Variants in PCDHGA12 observed in about 807,000 individuals in gnomAD.
PCDHGA12 encodes the protein protocadherin gamma-A12.
A neutral mutation model predicts 61.1 loss-of-function variants in PCDHGA12; 43 were observed. The ratio of observed to expected loss-of-function variants is 0.70; its 90% CI spans 0.55 to 0.91. The LOEUF is 0.91. PCDHGA12 is among the 40% of genes least tolerant of loss of function. PCDHGA12 has a pLI of 0.00. For missense variants in PCDHGA12, 1,236 were observed against 1,227.7 expected, an observed-to-expected ratio of 1.01 and a Z score of -0.10; for synonymous variants, 520 against 542.9, an observed-to-expected ratio of 0.96 and a Z score of 0.59.
chr5:141,442,051 C>G (rs1384937090), intron 1 of PCDHGA12: 1 of 197,158 alleles, frequency 5.1e-6, no homozygotes, highest in East Asian at 1.8e-4. Context: ...CTACTGGTCG[C>G]GGTGCACTGC....
rs1440733700 is a variant in PCDHGA12 at position 141,441,803 on chromosome 5, G to A, written c.2424+8620G>A. 249 of 383,164 alleles carry A rather than the reference G, an allele frequency of 6.5e-4. 2 individuals carry two copies. Among genetic ancestry groups the A allele is most frequent in the African/African-American group, 4.8e-3 (220 of 45,902 alleles). The allele number at this position is 383,164 out of a possible 1,614,324, so 23.7% of individuals were successfully genotyped here. The stretch of plus-strand genomic sequence containing the variant: ...ACCTGAATGACAACGCACCGCGGGT[G>A]CTGTACCCCAGCTCTGGAGCGCAAT... On this transcript the variant is annotated intron_variant, in intron 1 of 3. Coordinates refer to ENST00000252085, the MANE Select transcript of PCDHGA12 (RefSeq NM_003735.3).
In PCDHGA12 at chr5:141,512,470, T is replaced by G. The variant is rs2099884244; in HGVS notation, c.*1297T>G. On this transcript the variant is annotated 3_prime_UTR_variant, in exon 4 of 4. Transcript: ENST00000252085. ...TTCACCTTGCCAGGTGCCGTTTCTC[T>G]TCCGTGAAGGCCACTGCCCAGGTCC... 6.5e-6 allele frequency: 1 copy of G among 152,892 alleles called. No individual in the cohort carries two copies. The highest frequency in any genetic ancestry group is 2.1e-4 in the South Asian group (1 of 4,834). 9.5% of individuals were successfully genotyped at this position (152,892 alleles called of 1,614,324 possible).
At chr5:141,484,789 A>T (rs1215899787) in intron 1 of PCDHGA12, among the ~76,000 whole-genome samples, 1 of 152,132 alleles carries the variant, frequency 6.6e-6, no homozygotes, top group Non-Finnish European at 1.5e-5. Flanking sequence ...CCACAGAGAT[A>T]ACAACCCGTG....
intron 1 of PCDHGA12, among the ~76,000 whole-genome samples, chr5:141,482,057 C>A (rs2099551189): frequency 6.7e-6 from 1 of 149,978 alleles, no homozygotes; most frequent in Non-Finnish European, 1.5e-5. Flanking sequence ...TGCATTCCAG[C>A]CTGGGCAACA....
Position 141,456,470 on chromosome 5 carries a change from A to G in PCDHGA12, c.2424+23287A>G, listed in dbSNP as rs573210902. Among the ~76,000 whole-genome samples, 4 of 152,272 alleles carry G rather than the reference A, an allele frequency of 2.6e-5. No homozygotes were observed. In the East Asian group the frequency reaches 7.7e-4, roughly 29 times the overall value. On this transcript the variant is annotated intron_variant, in intron 1 of 3. Coordinates refer to ENST00000252085, the MANE Select transcript of PCDHGA12 (RefSeq NM_003735.3). ...GTCCAAATATCAATACAAGACATAT[A>G]AGCAAGAGAGTGCTTAATAAAGGGG...
At chr5:141,478,639 A>G (rs377308663) in intron 1 of PCDHGA12, 168 of 1,552,322 alleles carry the variant, frequency 1.1e-4, no homozygotes, top group Non-Finnish European at 1.0e-4. Context: ...TTAGTGATGA[A>G]GATGTTTTCC....
Position 141,491,095 on chromosome 5 carries a change from T to C in PCDHGA12, c.2425-3712T>C, listed in dbSNP as rs1366401829. On this transcript the variant is annotated intron_variant, in intron 1 of 3. Coordinates refer to ENST00000252085, the MANE Select transcript of PCDHGA12 (RefSeq NM_003735.3). The surrounding 1 kb of genome is among the most constrained non-coding windows in gnomAD (Gnocchi z 6.9). ...GCCACAGTCCACAGCCCCAGGACTG[T>C]TCCTCGTGTCTACACACACTGGTGA... The C allele has an allele frequency of 3.7e-6, 6 of 1,614,154 alleles. No homozygotes were observed. The highest frequency in any genetic ancestry group is 4.2e-6 in the Non-Finnish European group (5 of 1,180,014).
chr5:141,485,814 CT>C lies in PCDHGA12; in HGVS notation c.2425-8992del, dbSNP rs2099619658. On this transcript the variant is annotated intron_variant, in intron 1 of 3. Transcript: ENST00000252085. The surrounding 1 kb of genome is among the most constrained non-coding windows in gnomAD (Gnocchi z 5.7). ...TCGGACTACCGCCTGGTGCTGACTGCTGTCGATGGAGGGAACCCGCCGAGAT... is the reference window on the plus strand; with the variant it reads ...TCGGACTACCGCCTGGTGCTGACTGCGTCGATGGAGGGAACCCGCCGAGAT... The C allele has an allele frequency of 6.2e-7, 1 of 1,613,864 alleles. No individual in the cohort carries two copies. Among genetic ancestry groups the C allele is most frequent in the Non-Finnish European group, 8.5e-7 (1 of 1,179,990 alleles).
rs776211508 is a variant in PCDHGA12, at chr5:141,491,001, C to T, written c.2425-3806C>T. On this transcript the variant is annotated intron_variant, in intron 1 of 3. Transcript: ENST00000252085. The surrounding 1 kb of genome is among the most constrained non-coding windows in gnomAD (Gnocchi z 6.9). The stretch of plus-strand genomic sequence containing the variant: ...TCCCTCGCTCTGCTCCTCCTGGCTC[C>T]TTGGTCACCAAGGTGACAGCCGTGG... The T allele has an allele frequency of 6.2e-7, 1 of 1,614,140 alleles. No individual in the cohort carries two copies. Among genetic ancestry groups the T allele is most frequent in the Non-Finnish European group, 8.5e-7 (1 of 1,180,044 alleles).
intron 3 of PCDHGA12, among the ~76,000 whole-genome samples, chr5:141,509,583 A>G (rs1008344833): frequency 7.2e-5 from 11 of 152,320 alleles, no homozygotes; most frequent in African/African-American, 2.4e-4. Flanking sequence ...CGTACAAATC[A>G]GCTGGCAATT....
At position 141,432,950 on chromosome 5, in the gene PCDHGA12, G is replaced by A. The variant is rs750033444; in HGVS notation, c.2191G>A (p.Gly731Ser). 9.9e-6 allele frequency: 16 copies of A among 1,614,190 alleles called. No individual in the cohort carries two copies. The highest frequency in any genetic ancestry group is 1.3e-5 in the African/African-American group (1 of 75,060). ...ACGCCTGCTGCAGGCTTCAGGAGGC[G>A]GCTTGACAGGAGCGCCGGCGTCGCA... is the stretch of plus-strand genomic sequence containing the variant. ...KSRLLQASGG[G>S]LTGAPASHFV... is the part of the protein sequence containing the mutation. The change falls in exon 1 of 4, where the codon GGC becomes AGC. Residue 731 changes from glycine (G) to serine (S), a missense_variant. By Grantham distance (56) the Gly-to-Ser change is moderately conservative. Coordinates refer to ENST00000252085, the MANE Select transcript of PCDHGA12 (RefSeq NM_003735.3). This position sits in a 1 kb window ranked among gnomAD's most constrained non-coding sequence, Gnocchi z 6.0.
chr5:141,466,819 C>A (rs2099130454), intron 1 of PCDHGA12, among the ~76,000 whole-genome samples: 1 of 152,068 alleles, frequency 6.6e-6, no homozygotes, highest in Non-Finnish European at 1.5e-5. Context: ...CATGGTATAA[C>A]AAGTTAGTAT....
Position 141,431,585 on chromosome 5 carries a change from G to A in PCDHGA12, c.826G>A (p.Glu276Lys). 6.2e-7 allele frequency: 1 copy of A among 1,614,204 alleles called. No individual in the cohort carries two copies. The highest frequency in any genetic ancestry group is 1.6e-4 in the Middle Eastern group (1 of 6,062). The change falls in exon 1 of 4, where the codon GAA becomes AAA. Residue 276 changes from glutamate (E) to lysine (K), a missense_variant. Glu to Lys is a moderately conservative substitution (Grantham distance 56, BLOSUM62 1). Transcript: ENST00000252085. This position sits in a 1 kb window ranked among gnomAD's most constrained non-coding sequence, Gnocchi z 4.8. ...CGACCCTGACGAAGGAGTCAATGCG[G>A]AAGTGAGGTATTCCTTCCGGTATGT... ...ATDPDEGVNAEVRYSFRYVDD... is the reference protein window; with the variant it reads ...ATDPDEGVNAKVRYSFRYVDD...
Position 141,431,954 on chromosome 5 carries a change from G to T in PCDHGA12, c.1195G>T (p.Gly399Ter). Residue 399 changes from glycine to a stop codon, truncating the protein, a stop_gained, in exon 1 of 4, where the codon GGA becomes TGA. Coordinates refer to ENST00000252085, the MANE Select transcript of PCDHGA12 (RefSeq NM_003735.3). LOFTEE classifies it high-confidence loss of function. The surrounding 1 kb of genome is among the most constrained non-coding windows in gnomAD (Gnocchi z 4.8). Reference sequence around the variant, plus strand: ...GCCCTTTAAATTAGAAAAATCTTACGGAAATTACTATAGTTTAGTCACAGA... The same window carrying T: ...GCCCTTTAAATTAGAAAAATCTTACTGAAATTACTATAGTTTAGTCACAGA... The part of the protein sequence containing the change: ...NLPFKLEKSY[G>*]NYYSLVTDIV... The T allele has an allele frequency of 6.2e-7, 1 of 1,614,110 alleles. No homozygotes were observed. Among genetic ancestry groups the T allele is most frequent in the Non-Finnish European group, 8.5e-7 (1 of 1,180,010 alleles).
At chr5:141,484,672 A>G (rs1253641119) in intron 1 of PCDHGA12, among the ~76,000 whole-genome samples, 1 of 151,990 alleles carries the variant, frequency 6.6e-6, no homozygotes, top group African/African-American at 2.4e-5. Flanking sequence ...AGTGGGCCGC[A>G]GGTTGCTAGG....
intron 1 of PCDHGA12, among the ~76,000 whole-genome samples, chr5:141,474,029 C>T (rs1047673843): frequency 6.6e-6 from 1 of 152,092 alleles, no homozygotes; most frequent in Non-Finnish European, 1.5e-5. Context: ...ATGATTATTC[C>T]ACTGTACTCC....
chr5:141,490,098 T>C lies in PCDHGA12; in HGVS notation c.2425-4709T>C, dbSNP rs774132407. On this transcript the variant is annotated intron_variant, in intron 1 of 3. Transcript: ENST00000252085. The surrounding 1 kb of genome is among the most constrained non-coding windows in gnomAD (Gnocchi z 5.4). ...ACTATTCTTTTGGAGACCACACATCTGAGGCAGTGCGGAACCTCTTTGGCC... is the reference window on the plus strand; with the variant it reads ...ACTATTCTTTTGGAGACCACACATCCGAGGCAGTGCGGAACCTCTTTGGCC... The C allele has an allele frequency of 6.2e-7, 1 of 1,614,260 alleles. No homozygotes were observed. The highest frequency in any genetic ancestry group is 8.5e-7 in the Non-Finnish European group (1 of 1,180,038).
In PCDHGA12 at chr5:141,433,401, A is replaced by ATCTC. The variant is rs1554126038; in HGVS notation, c.2424+221_2424+222insCTCT. On this transcript the variant is annotated intron_variant, in intron 1 of 3. Transcript: ENST00000252085. ...TATCTATCTATCTATCTATCTATCT[A>ATCTC]TCTATTACTTTCTTGTACAGACAGG... Among the ~76,000 whole-genome samples, 677 of 150,598 alleles carry ATCTC rather than the reference A, an allele frequency of 4.5e-3. 6 individuals are homozygous for ATCTC. Among genetic ancestry groups the ATCTC allele is most frequent in the African/African-American group, 0.015 (630 of 40,958 alleles).
At position 141,430,984 on chromosome 5, in the gene PCDHGA12, C is replaced by G. The variant is rs765063685; in HGVS notation, c.225C>G (p.Phe75Leu). The part of the protein sequence containing the change: ...RIIPRGRTQL[F>L]ALNPRSGSLV... The stretch of plus-strand genomic sequence containing the variant: ...TCCCCAGAGGTAGGACGCAGCTTTT[C>G]GCCCTGAATCCGCGCAGCGGCAGCT... The change falls in exon 1 of 4, where the codon TTC becomes TTG. Residue 75 changes from phenylalanine (F) to leucine (L), a missense_variant. Phe to Leu is a conservative substitution (Grantham distance 22). Transcript: ENST00000252085. 1.2e-6 allele frequency: 2 copies of G among 1,613,530 alleles called. No homozygotes were observed. The highest frequency in any genetic ancestry group is 1.7e-6 in the Non-Finnish European group (2 of 1,179,786).
Sources: allele counts gnomAD v4.1 joint callset (sites outside exome capture counted in the v4.1 genomes callset), GRCh38; gene constraint gnomAD v4.1.1; non-coding constraint Gnocchi (gnomAD v3.1); transcripts MANE v1.5; gene names NCBI Gene and HGNC (gene_info 2026-07-23, HGNC 2026-07-21).